Variants in SEMA3C observed in about 807,000 individuals in gnomAD.
SEMA3C encodes the protein semaphorin 3C.
Under a neutral mutation model 89.4 loss-of-function variants are expected in SEMA3C, and 47 were observed. The observed-to-expected ratio is 0.53, with a 90% confidence interval of 0.42 to 0.67. The LOEUF is 0.67. Ranked by LOEUF, SEMA3C falls within the 30% of genes least tolerant of loss-of-function variation. The probability of loss-of-function intolerance (pLI) is 0.00; values close to 1 mark genes in which losing one functional copy is unlikely to be tolerated. For synonymous variants in SEMA3C, 310 were observed against 320.2 expected (o/e 0.97, Z 0.34); for missense variants, 839 against 929.1 (o/e 0.90, Z 1.26).
chr7:80,776,505 T>G (rs187227219), intron 12 of SEMA3C, among the ~76,000 whole-genome samples: 51 of 152,278 alleles, frequency 3.3e-4, no homozygotes, highest in Middle Eastern at 3.4e-3. Context: ...ACGTGAACCT[T>G]TCTTGTAAAT....
chr7:80,881,530 G>A (rs1791340282), intron 2 of SEMA3C, among the ~76,000 whole-genome samples: 2 of 151,954 alleles, frequency 1.3e-5, no homozygotes, highest in Admixed American at 6.6e-5. Flanking sequence ...TCACTGGAGG[G>A]GTGTAAGTGA....
In SEMA3C at chr7:80,765,190, C is replaced by T. The variant is rs1216127274; in HGVS notation, c.1408G>A (p.Gly470Ser). The change falls in exon 13 of 18, where the codon GGC becomes AGC. Residue 470 changes from glycine to serine, a missense_variant. By Grantham distance (56) the Gly-to-Ser change is moderately conservative. Coordinates refer to ENST00000265361, the MANE Select transcript of SEMA3C (RefSeq NM_006379.5). Reference protein sequence around the residue: ...VVLPTNNSVSGELILEELEVF... With the variant: ...VVLPTNNSVSSELILEELEVF... ...TCCAGCTCCTCCAGAATGAGCTCGC[C>T]ACTGACAGAGTTGTTAGTAGGAAGA... 6.2e-7 allele frequency: 1 copy of T among 1,613,726 alleles called. No individual in the cohort carries two copies. Among genetic ancestry groups the T allele is most frequent in the Non-Finnish European group, 8.5e-7 (1 of 1,179,852 alleles).
chr7:80,779,931 A>C (rs2117090520), intron 12 of SEMA3C, among the ~76,000 whole-genome samples: 1 of 152,330 alleles, frequency 6.6e-6, no homozygotes, highest in South Asian at 2.1e-4. Flanking sequence ...CAAGGAGTTA[A>C]GGACCTTACT....
rs564515896 is a variant in SEMA3C at position 80,773,517 on chromosome 7, G to C, written c.1355-8274C>G. 1.1e-3 allele frequency among the ~76,000 whole-genome samples: 173 copies of C among 152,238 alleles called. 1 individual carries two copies. The highest frequency in any genetic ancestry group is 4.0e-3 in the African/African-American group (167 of 41,546). ...AATGAAAAAACTGGACAAAATGTAT[G>C]AGGCCATTCTTTTTAGGTAACAGAT... On this transcript the variant is annotated intron_variant, in intron 12 of 17. Transcript: ENST00000265361.
intron 1 of SEMA3C, among the ~76,000 whole-genome samples, chr7:80,917,656 T>C (rs1049069899): frequency 1.2e-4 from 18 of 152,204 alleles, no homozygotes; most frequent in Admixed American, 4.6e-4. Flanking sequence ...GATAATGTGT[T>C]ACCATAAACC....
At chr7:80,870,986 T>C (rs1187223179) in intron 2 of SEMA3C, among the ~76,000 whole-genome samples, 1 of 152,204 alleles carries the variant, frequency 6.6e-6, no homozygotes, top group Non-Finnish European at 1.5e-5. Flanking sequence ...ATACTGGCCC[T>C]CTGAACAAGA....
chr7:80,812,970 T>G (rs1341528596), intron 5 of SEMA3C, among the ~76,000 whole-genome samples: 4 of 148,102 alleles, frequency 2.7e-5, no homozygotes, highest in African/African-American at 7.4e-5. Context: ...TATTTTTTTT[T>G]TTTTTTTTTT....
chr7:80,884,666 G>C (rs181389290), intron 2 of SEMA3C, among the ~76,000 whole-genome samples: 1 of 152,302 alleles, frequency 6.6e-6, no homozygotes, highest in East Asian at 1.9e-4. Flanking sequence ...GGCTTTGTCT[G>C]CCATGGAAGC....
intron 10 of SEMA3C, among the ~76,000 whole-genome samples, 181 bp downstream of exon 10, chr7:80,800,576 G>C (rs1261466274): frequency 6.6e-6 from 1 of 152,002 alleles, no homozygotes; most frequent in Non-Finnish European, 1.5e-5. Context: ...AAAGTATTTG[G>C]AAAGCATTAG....
At chr7:80,776,400 G>A (rs1257491489) in intron 12 of SEMA3C, among the ~76,000 whole-genome samples, 1 of 151,930 alleles carries the variant, frequency 6.6e-6, no homozygotes, top group Non-Finnish European at 1.5e-5. Flanking sequence ...AGTAAAACCT[G>A]CCAACTATAA....
chr7:80,856,172 C>T (rs1015977347), intron 2 of SEMA3C, among the ~76,000 whole-genome samples: 1 of 151,796 alleles, frequency 6.6e-6, no homozygotes. Flanking sequence ...GGTAAAAATT[C>T]ACTGTTCTTC....
At chr7:80,908,027 T>C (rs73374896) in intron 2 of SEMA3C, among the ~76,000 whole-genome samples, 4,809 of 152,200 alleles carry the variant, frequency 0.032, 255 homozygotes, top group African/African-American at 0.11. Flanking sequence ...TTGTATAATA[T>C]TTATACAAGC....
chr7:80,796,829 G>A (rs1042869812), intron 11 of SEMA3C, among the ~76,000 whole-genome samples: 3 of 151,992 alleles, frequency 2.0e-5, no homozygotes, highest in African/African-American at 7.2e-5. Context: ...TTCCTAGCCA[G>A]GAACAAAACT....
intron 2 of SEMA3C, among the ~76,000 whole-genome samples, chr7:80,914,365 AAAT>A (rs1435579416): frequency 6.6e-6 from 1 of 151,244 alleles, no homozygotes. Flanking sequence ...GAGAAACTTT[AAAT>A]AATAATAAAT....
chr7:80,797,251 T>TA (rs1378373198), intron 11 of SEMA3C, among the ~76,000 whole-genome samples: 3 of 152,026 alleles, frequency 2.0e-5, no homozygotes, highest in Non-Finnish European at 2.9e-5. Flanking sequence ...AAAAAAAAAC[T>TA]AATCAACATT....
At chr7:80,790,373 A>G (rs944474252) in intron 11 of SEMA3C, among the ~76,000 whole-genome samples, 1 of 151,418 alleles carries the variant, frequency 6.6e-6, no homozygotes, top group Admixed American at 6.6e-5. Flanking sequence ...AGAAGAGAAG[A>G]AGAAGAAGGA....
At position 80,774,999 on chromosome 7, in the gene SEMA3C, C is replaced by T. The variant is rs76656734; in HGVS notation, c.1355-9756G>A. ...AATACATTGTCATGGGAACAAGGAACGTAATTATTGGTAAGTTTTTATGAG... is the reference window on the plus strand; with the variant it reads ...AATACATTGTCATGGGAACAAGGAATGTAATTATTGGTAAGTTTTTATGAG... On this transcript the variant is annotated intron_variant, in intron 12 of 17. Transcript: ENST00000265361. 7.4e-3 allele frequency among the ~76,000 whole-genome samples: 1,126 copies of T among 151,390 alleles called. 59 individuals are homozygous for T. The East Asian group carries it at 0.14, about 19-fold the overall frequency.
intron 4 of SEMA3C, among the ~76,000 whole-genome samples, chr7:80,826,029 AT>A (rs1789864909): frequency 1.3e-5 from 2 of 152,084 alleles, no homozygotes; most frequent in East Asian, 1.9e-4. Flanking sequence ...CCACTTTTAA[AT>A]TTTTTTATTG....
intron 2 of SEMA3C, among the ~76,000 whole-genome samples, chr7:80,833,666 A>G (rs1790061283): frequency 6.6e-6 from 1 of 152,112 alleles, no homozygotes; most frequent in Admixed American, 6.6e-5. Flanking sequence ...GATTTACTTC[A>G]GAAGTGCCCT....
Sources: allele counts gnomAD v4.1 joint callset (sites outside exome capture counted in the v4.1 genomes callset), GRCh38; gene constraint gnomAD v4.1.1; transcripts MANE v1.5; gene names NCBI Gene and HGNC (gene_info 2026-07-23, HGNC 2026-07-21).